TENM2: variants seen among roughly 807,000 people sequenced by gnomAD.
The protein encoded by TENM2 is teneurin-2.
A neutral mutation model predicts 245.2 loss-of-function variants in TENM2; 52 were observed. The ratio of observed to expected loss-of-function variants is 0.21; its 90% CI spans 0.17 to 0.27. The LOEUF (loss-of-function observed/expected upper bound fraction) is 0.27. Among genes scored for constraint, TENM2 ranks in the 10% least tolerant of loss-of-function variants. The probability of loss-of-function intolerance (pLI) is 1.00; values close to 1 mark genes in which losing one functional copy is unlikely to be tolerated. For synonymous variants in TENM2, 1,363 were observed against 1,438.9 expected (o/e 0.95, Z 1.19); for missense variants, 3,046 against 3,666.8 (o/e 0.83, Z 4.37).
chr5:167,091,601 T>G, the TENM2 span, among the ~76,000 whole-genome samples: 1 of 152,210 alleles, frequency 6.6e-6, no homozygotes, highest in African/African-American at 2.4e-5. Flanking sequence ...TTAGGGATAT[T>G]TTTATAATTT....
intron 2 of TENM2, among the ~76,000 whole-genome samples, chr5:167,612,514 G>A (rs1459045466): frequency 1.3e-5 from 2 of 151,944 alleles, no homozygotes; most frequent in Admixed American, 1.3e-4. Flanking sequence ...CAGTGGCTTG[G>A]TGGCATATGA....
chr5:167,057,037 C>T, the TENM2 span, among the ~76,000 whole-genome samples: 1 of 151,818 alleles, frequency 6.6e-6, no homozygotes, highest in African/African-American at 2.4e-5. Context: ...TGCTGTTCTC[C>T]CTGCTTTTCA....
At chr5:168,249,274 C>A (rs1766879714) in intron 27 of TENM2, among the ~76,000 whole-genome samples, 1 of 152,118 alleles carries the variant, frequency 6.6e-6, no homozygotes, top group African/African-American at 2.4e-5. Context: ...AGTTCCTGAC[C>A]TCCAGAGGCT....
At chr5:167,516,664 A>G (rs958914739) in intron 2 of TENM2, among the ~76,000 whole-genome samples, 2 of 152,144 alleles carry the variant, frequency 1.3e-5, no homozygotes, top group African/African-American at 4.8e-5. Context: ...TCCACATCCC[A>G]TTTACTTGTT....
chr5:167,709,704 G>T (rs543129579), intron 2 of TENM2, among the ~76,000 whole-genome samples: 6 of 152,126 alleles, frequency 3.9e-5, no homozygotes, highest in Admixed American at 3.9e-4. Flanking sequence ...TTGACCACAC[G>T]AAAGAACATG....
At chr5:167,244,083 C>T in the TENM2 span, among the ~76,000 whole-genome samples, 4 of 152,078 alleles carry the variant, frequency 2.6e-5, no homozygotes, top group African/African-American at 9.7e-5. Context: ...TAAATCTGTT[C>T]TATTATTATT....
chr5:167,570,815 G>A (rs73380909), intron 2 of TENM2, among the ~76,000 whole-genome samples: 4,856 of 152,276 alleles, frequency 0.032, 205 homozygotes, highest in African/African-American at 0.097. Context: ...TATGGGGTTG[G>A]TATTTAAGTT....
intron 1 of TENM2, among the ~76,000 whole-genome samples, chr5:167,354,491 C>T (rs924427808): frequency 5.9e-5 from 9 of 152,142 alleles, no homozygotes; most frequent in African/African-American, 1.7e-4. Context: ...TCCCTTCACC[C>T]CCTCCCCTAA....
chr5:167,477,771 A>G (rs1767488030), intron 2 of TENM2, among the ~76,000 whole-genome samples: 2 of 152,078 alleles, frequency 1.3e-5, no homozygotes, highest in Non-Finnish European at 2.9e-5. Context: ...AAAATAGAGG[A>G]TAGATAGATG....
intron 5 of TENM2, among the ~76,000 whole-genome samples, chr5:168,012,971 C>A (rs893869666): frequency 2.0e-5 from 3 of 152,170 alleles, no homozygotes; most frequent in African/African-American, 7.2e-5. Context: ...AGGTTTCCTG[C>A]CTCATTGTCT....
intron 3 of TENM2, among the ~76,000 whole-genome samples, chr5:167,894,334 A>C (rs1037724176): frequency 6.6e-6 from 1 of 152,234 alleles, no homozygotes. Context: ...CAGCACGTTT[A>C]ATAAAATGTT....
rs1758819568 is a variant in TENM2 at position 167,350,746 on chromosome 5, T to C, written c.227-24452T>C. ...ATATATACATATGGATATATATATA[T>C]GGGATATATACATATGGATATATAT... On this transcript the variant is annotated intron_variant, in intron 1 of 28. Coordinates refer to ENST00000518659, the Ensembl canonical transcript of TENM2. Among the ~76,000 whole-genome samples, 2 of 139,316 alleles carry C rather than the reference T, an allele frequency of 1.4e-5. 1 individual carries two copies. The highest frequency in any genetic ancestry group is 3.1e-5 in the Non-Finnish European group (2 of 64,360). 91.4% of individuals were successfully genotyped at this position (139,316 alleles called of 152,430 possible).
At chr5:168,016,638 C>T (rs979855327) in intron 5 of TENM2, among the ~76,000 whole-genome samples, 2 of 152,100 alleles carry the variant, frequency 1.3e-5, no homozygotes, top group African/African-American at 2.4e-5. Flanking sequence ...GCCTTGACCT[C>T]GTATGAGCAG....
intron 12 of TENM2, among the ~76,000 whole-genome samples, chr5:168,138,210 G>T (rs191585856): frequency 6.6e-6 from 1 of 152,300 alleles, no homozygotes; most frequent in East Asian, 1.9e-4. Flanking sequence ...TCCATCACTT[G>T]CAAGTTGGGT....
chr5:167,843,003 G>A (rs915596131), intron 2 of TENM2, among the ~76,000 whole-genome samples: 6 of 152,002 alleles, frequency 3.9e-5, no homozygotes, highest in Non-Finnish European at 8.8e-5. Flanking sequence ...ACCTCAATTC[G>A]CAACAACACT....
intron 3 of TENM2, among the ~76,000 whole-genome samples, chr5:167,924,766 T>C (rs1259012625): frequency 1.3e-5 from 2 of 152,124 alleles, no homozygotes; most frequent in African/African-American, 4.8e-5. Context: ...TCATGTCTAA[T>C]CCATATTACA....
intron 1 of TENM2, among the ~76,000 whole-genome samples, chr5:167,312,915 T>TG (rs1756126584): frequency 8.9e-6 from 1 of 112,498 alleles, no homozygotes; most frequent in Non-Finnish European, 2.1e-5. Context: ...CTCTTTTTTT[T>TG]TTTTTTAAAT....
At chr5:168,238,299 G>GAAAAGAAAAGAAAAGA (rs1554230444) in intron 25 of TENM2, among the ~76,000 whole-genome samples, 2 of 143,144 alleles carry the variant, frequency 1.4e-5, no homozygotes, top group Admixed American at 6.9e-5. Context: ...GAAAAGAAAA[G>GAAAAGAAAAGAAAAGA]AAAAAATCCC....
At chr5:167,777,319 C>A (rs1283116918) in intron 2 of TENM2, among the ~76,000 whole-genome samples, 1 of 152,160 alleles carries the variant, frequency 6.6e-6, no homozygotes, top group African/African-American at 2.4e-5. Context: ...GATTTGTATT[C>A]TTTTTCTCTT....
Sources: allele counts gnomAD v4.1 joint callset (sites outside exome capture counted in the v4.1 genomes callset), GRCh38; gene constraint gnomAD v4.1.1; transcripts MANE v1.5; gene names NCBI Gene and HGNC (gene_info 2026-07-23, HGNC 2026-07-21).